The following GRM8 variants were observed in gnomAD, a reference collection of about 807,000 sequenced individuals.
GRM8 encodes the protein metabotropic glutamate receptor 8.
GRM8 carries 47 observed loss-of-function variants against 87.2 expected under a neutral mutation model. The observed-to-expected ratio is 0.54, with a 90% CI of 0.43 to 0.69. The LOEUF (loss-of-function observed/expected upper bound fraction) is 0.69, where lower values mean the gene tolerates loss of function less well. Ranked by LOEUF, GRM8 falls within the 30% of genes least tolerant of loss-of-function variation. GRM8 has a pLI of 0.00. For missense variants in GRM8, 1,019 were observed against 1,139.2 expected, an observed-to-expected ratio of 0.89 and a Z score of 1.52; for synonymous variants, 396 against 404.5, an observed-to-expected ratio of 0.98 and a Z score of 0.25.
At chr7:126,800,311 C>T (rs1376328394) in intron 6 of GRM8, among the ~76,000 whole-genome samples, 1 of 152,112 alleles carries the variant, frequency 6.6e-6, no homozygotes, top group East Asian at 1.9e-4. Flanking sequence ...ATGCAGTCTA[C>T]GCTCCCTTCA....
At chr7:126,565,109 T>C (rs1412804382) in intron 8 of GRM8, among the ~76,000 whole-genome samples, 2 of 151,748 alleles carry the variant, frequency 1.3e-5, no homozygotes, top group African/African-American at 2.4e-5. Flanking sequence ...TCACACTCAG[T>C]GGTGAAAAGT....
At chr7:127,072,634 C>CTT (rs34143758) in intron 3 of GRM8, among the ~76,000 whole-genome samples, 4,655 of 144,118 alleles carry the variant, frequency 0.032, 223 homozygotes, top group African/African-American at 0.1. Flanking sequence ...TCATATTATA[C>CTT]TTTTTTTTTT....
chr7:126,883,780 T>C (rs1357679750), intron 6 of GRM8, among the ~76,000 whole-genome samples: 3 of 152,130 alleles, frequency 2.0e-5, no homozygotes, highest in Non-Finnish European at 2.9e-5. Context: ...ATCATGCAAT[T>C]ATATTGTTGG....
chr7:126,867,474 T>C (rs1586252078), intron 6 of GRM8, among the ~76,000 whole-genome samples: 1 of 152,220 alleles, frequency 6.6e-6, no homozygotes, highest in East Asian at 1.9e-4. Flanking sequence ...TGGAAATTGA[T>C]GTCAATATTT....
intron 2 of GRM8, chr7:127,111,227 T>G (rs1289241817): frequency 6.6e-6 from 1 of 152,196 alleles, no homozygotes; most frequent in Non-Finnish European, 1.5e-5. Flanking sequence ...TAATCTACAT[T>G]TAACTAGCTA....
At chr7:127,068,046 A>G (rs1036205539) in intron 3 of GRM8, among the ~76,000 whole-genome samples, 1 of 152,202 alleles carries the variant, frequency 6.6e-6, no homozygotes, top group Admixed American at 6.5e-5. Flanking sequence ...CCCACTAAAT[A>G]AACAATAAAT....
intron 2 of GRM8, among the ~76,000 whole-genome samples, chr7:127,152,701 AGGTATTAT>A: frequency 6.6e-6 from 1 of 152,272 alleles, no homozygotes; most frequent in South Asian, 2.1e-4. Context: ...ACAAGAGTGT[AGGTATTAT>A]GATACAGAGA....
chr7:126,607,014 T>C (rs1798427123), intron 8 of GRM8, among the ~76,000 whole-genome samples: 3 of 152,258 alleles, frequency 2.0e-5, no homozygotes, highest in Admixed American at 6.5e-5. Flanking sequence ...AATATATTAA[T>C]GATAGGCAGT....
At chr7:127,107,041 G>A (rs1825875252) in intron 2 of GRM8, among the ~76,000 whole-genome samples, 1 of 152,150 alleles carries the variant, frequency 6.6e-6, no homozygotes, top group African/African-American at 2.4e-5. Flanking sequence ...TACATGATAA[G>A]CTCTGGTGCA....
chr7:126,836,492 C>G (rs1795839369), intron 6 of GRM8, among the ~76,000 whole-genome samples: 1 of 152,098 alleles, frequency 6.6e-6, no homozygotes, highest in Admixed American at 6.6e-5. Flanking sequence ...TGAGCTGCCC[C>G]CTGCCTCTCT....
chr7:127,110,254 G>T (rs1826221611), intron 2 of GRM8, among the ~76,000 whole-genome samples: 1 of 152,112 alleles, frequency 6.6e-6, no homozygotes, highest in Non-Finnish European at 1.5e-5. Context: ...CCCTGGGTGT[G>T]CCAGAAGCCT....
At chr7:126,867,034 AG>A (rs1191522739) in intron 6 of GRM8, among the ~76,000 whole-genome samples, 1 of 152,220 alleles carries the variant, frequency 6.6e-6, no homozygotes, top group African/African-American at 2.4e-5. Flanking sequence ...CAGCAATATT[AG>A]GGGATATGAG....
At chr7:126,827,784 T>C (rs1276169637) in intron 6 of GRM8, among the ~76,000 whole-genome samples, 1 of 152,238 alleles carries the variant, frequency 6.6e-6, no homozygotes, top group Non-Finnish European at 1.5e-5. Context: ...ATCCCTGTCT[T>C]GTGCCAGTTT....
chr7:127,126,231 A>C (rs1827365081), intron 2 of GRM8, among the ~76,000 whole-genome samples: 1 of 152,066 alleles, frequency 6.6e-6, no homozygotes, highest in Non-Finnish European at 1.5e-5. Flanking sequence ...ATTCAACTTA[A>C]GTGTCCATCA....
intron 7 of GRM8, among the ~76,000 whole-genome samples, chr7:126,699,041 A>C (rs936829600): frequency 6.6e-6 from 1 of 152,142 alleles, no homozygotes; most frequent in African/African-American, 2.4e-5. Context: ...CTGGTTTTAT[A>C]ATAAGGAGGG....
intron 7 of GRM8, among the ~76,000 whole-genome samples, chr7:126,631,955 C>T (rs1446121324): frequency 6.6e-6 from 1 of 152,150 alleles, no homozygotes; most frequent in Non-Finnish European, 1.5e-5. Context: ...CAATACCATT[C>T]AGGACATAGG....
chr7:127,083,444 C>T (rs1382549931), intron 3 of GRM8, among the ~76,000 whole-genome samples: 1 of 152,164 alleles, frequency 6.6e-6, no homozygotes, highest in African/African-American at 2.4e-5. Flanking sequence ...CCTACTAACT[C>T]AACCTGCTGC....
chr7:126,574,845 G>A (rs1794977718), intron 8 of GRM8, among the ~76,000 whole-genome samples: 1 of 151,804 alleles, frequency 6.6e-6, no homozygotes, highest in Non-Finnish European at 1.5e-5. Context: ...ACCATTGATC[G>A]ACCTGACTGT....
In GRM8 at chr7:126,451,697, C is replaced by T. The variant is rs541971721; in HGVS notation, c.2431-5325G>A. On this transcript the variant is annotated intron_variant, in intron 9 of 10. Coordinates refer to ENST00000339582, the MANE Select transcript of GRM8 (RefSeq NM_000845.3). ...GGTTTACTCTTTTTTTACTCATTCCCTTCCACCCATACTGGCTCCCTGGCT... is the reference window on the plus strand; with the variant it reads ...GGTTTACTCTTTTTTTACTCATTCCTTTCCACCCATACTGGCTCCCTGGCT... Among the ~76,000 whole-genome samples, 19 of 151,814 alleles carry T rather than the reference C, an allele frequency of 1.3e-4. No homozygotes were observed. In the South Asian group the frequency reaches 3.9e-3, roughly 32 times the overall value.
Sources: allele counts gnomAD v4.1 joint callset (sites outside exome capture counted in the v4.1 genomes callset), GRCh38; gene constraint gnomAD v4.1.1; transcripts MANE v1.5; gene names NCBI Gene and HGNC (gene_info 2026-07-23, HGNC 2026-07-21).